Variants in SLC36A1 observed in about 807,000 individuals in gnomAD.
The protein encoded by SLC36A1 is proton-coupled amino acid transporter 1.
A neutral mutation model predicts 47.5 loss-of-function variants in SLC36A1; 30 were observed. The observed-to-expected ratio is 0.63, with a 90% CI of 0.47 to 0.86. The LOEUF (loss-of-function observed/expected upper bound fraction) is 0.86, where lower values mean the gene tolerates loss of function less well. Ranked by LOEUF, SLC36A1 falls within the 40% of genes least tolerant of loss-of-function variation. The probability of loss-of-function intolerance (pLI) is 0.00; values close to 1 mark genes in which losing one functional copy is unlikely to be tolerated. For synonymous variants in SLC36A1, 255 were observed against 249.7 expected, an observed-to-expected ratio of 1.02 and a Z score of -0.20; for missense variants, 517 against 606.0, an observed-to-expected ratio of 0.85 and a Z score of 1.54.
At chr5:151,433,258 A>AGT (rs1759536358), upstream of SLC36A1, among the ~76,000 whole-genome samples, 1 of 15,400 alleles carries the variant, frequency 6.5e-5, no homozygotes, top group African/African-American at 2.7e-4. Flanking sequence ...ATATATATAT[A>AGT]TATATATATT....
chr5:151,517,916 A>G, the SLC36A1 span: 851 of 934,202 alleles, frequency 9.1e-4, 14 homozygotes, highest in Non-Finnish European at 1.9e-4. Context: ...GGGGTGTGCC[A>G]TACCTTTCTA....
At chr5:151,419,818 T>C in the SLC36A1 span, 1 of 152,184 alleles carries the variant, frequency 6.6e-6, no homozygotes, top group Non-Finnish European at 1.5e-5. Flanking sequence ...ATATCAACAT[T>C]GGACTACAGG....
chr5:151,487,459 T>C (rs924332164), intron 10 of SLC36A1, among the ~76,000 whole-genome samples: 1 of 152,144 alleles, frequency 6.6e-6, no homozygotes, highest in Non-Finnish European at 1.5e-5. Flanking sequence ...AACTGCTTTT[T>C]TTCACCTGTA....
chr5:151,496,979 A>T (rs1236723974), downstream of SLC36A1, among the ~76,000 whole-genome samples: 1 of 152,084 alleles, frequency 6.6e-6, no homozygotes, highest in Non-Finnish European at 1.5e-5. Flanking sequence ...GTATCCTGTG[A>T]CCTTTCTGTA....
At chr5:151,536,634 G>C in the SLC36A1 span, among the ~76,000 whole-genome samples, 3 of 152,148 alleles carry the variant, frequency 2.0e-5, no homozygotes, top group Non-Finnish European at 4.4e-5. Flanking sequence ...AGGAATCTCT[G>C]CTTCCCACTC....
intron 1 of SLC36A1, among the ~76,000 whole-genome samples, chr5:151,458,037 G>A (rs749601078): frequency 3.2e-4 from 48 of 151,676 alleles, no homozygotes; most frequent in Admixed American, 1.9e-3. Flanking sequence ...TAGTAGAGAC[G>A]GGGTTTCTCC....
At chr5:151,480,011 A>C (rs971101633) in intron 10 of SLC36A1, 2 of 976,794 alleles carry the variant, frequency 2.0e-6, no homozygotes, top group African/African-American at 3.3e-5. Flanking sequence ...TAGGTATTTG[A>C]TTGATCACTT....
At chr5:151,432,734 G>A (rs908875054), upstream of SLC36A1, among the ~76,000 whole-genome samples, 2 of 152,174 alleles carry the variant, frequency 1.3e-5, no homozygotes, top group Non-Finnish European at 2.9e-5. Context: ...AGAGAGACCA[G>A]CAGCATGAGA....
At chr5:151,351,502 G>A in the SLC36A1 span, among the ~76,000 whole-genome samples, 2 of 152,094 alleles carry the variant, frequency 1.3e-5, no homozygotes, top group Non-Finnish European at 2.9e-5. Flanking sequence ...AGTGAATTGC[G>A]GATGAGGAGC....
chr5:151,497,920 C>T, the SLC36A1 span, among the ~76,000 whole-genome samples: 5 of 150,614 alleles, frequency 3.3e-5, no homozygotes, highest in Admixed American at 2.6e-4. Flanking sequence ...GCCCACCTAC[C>T]TTTAGCTGGG....
At chr5:151,506,726 G>A in the SLC36A1 span, among the ~76,000 whole-genome samples, 12 of 152,346 alleles carry the variant, frequency 7.9e-5, no homozygotes, top group East Asian at 1.2e-3. Flanking sequence ...AGCCAAAGAT[G>A]AGAAGAAGGT....
chr5:151,546,242 T>A, the SLC36A1 span: 1 of 1,614,140 alleles, frequency 6.2e-7, no homozygotes, highest in South Asian at 1.1e-5. Flanking sequence ...GCCTTCACTG[T>A]CAGAGTATGT....
upstream of SLC36A1, among the ~76,000 whole-genome samples, chr5:151,433,374 C>G (rs1407212815): frequency 1.5e-4 from 20 of 137,714 alleles, no homozygotes; most frequent in Non-Finnish European, 1.8e-4. Context: ...ACCTCTGCTT[C>G]CCTGGTTCAA....
At chr5:151,518,922 G>T in the SLC36A1 span, among the ~76,000 whole-genome samples, 1 of 152,206 alleles carries the variant, frequency 6.6e-6, no homozygotes, top group Admixed American at 6.5e-5. Flanking sequence ...CTTGTCAGTT[G>T]TCAGGGGAGA....
At chr5:151,362,173 A>T in the SLC36A1 span, among the ~76,000 whole-genome samples, 9 of 152,096 alleles carry the variant, frequency 5.9e-5, no homozygotes, top group African/African-American at 1.9e-4. Flanking sequence ...GCTGTTGCTC[A>T]ACTACCTCTT....
the SLC36A1 span, among the ~76,000 whole-genome samples, chr5:151,522,709 G>C: frequency 1.3e-5 from 2 of 152,224 alleles, no homozygotes; most frequent in African/African-American, 4.8e-5. Flanking sequence ...AGTGACATTT[G>C]AGTCCTGAGG....
At chr5:151,506,047 G>A in the SLC36A1 span, 131 of 1,559,840 alleles carry the variant, frequency 8.4e-5, no homozygotes, top group Non-Finnish European at 1.0e-4. Context: ...TATTCCCAGC[G>A]TTCGTTCCTG....
At chr5:151,392,248 T>C in the SLC36A1 span, among the ~76,000 whole-genome samples, 1 of 152,320 alleles carries the variant, frequency 6.6e-6, no homozygotes, top group South Asian at 2.1e-4. Context: ...GGTGGTGATA[T>C]CCCCTTTATC....
chr5:151,392,317 G>A, the SLC36A1 span, among the ~76,000 whole-genome samples: 2 of 152,076 alleles, frequency 1.3e-5, no homozygotes, highest in Non-Finnish European at 2.9e-5. Context: ...CTTGCTAGCA[G>A]TCTATCAATT....
Sources: allele counts gnomAD v4.1 joint callset (sites outside exome capture counted in the v4.1 genomes callset), GRCh38; gene constraint gnomAD v4.1.1; transcripts MANE v1.5; gene names NCBI Gene and HGNC (gene_info 2026-07-23, HGNC 2026-07-21).